The following LCORL variants were observed in gnomAD, a reference collection of about 807,000 sequenced individuals.
LCORL encodes the protein ligand-dependent nuclear receptor corepressor-like protein.
In LCORL, 41 loss-of-function variants were observed where a neutral mutation model predicts 141.8. The observed-to-expected ratio is 0.29, with a 90% CI of 0.23 to 0.38. The LOEUF is 0.38. Ranked by LOEUF, LCORL falls within the 10% of genes least tolerant of loss-of-function variation. The pLI is 1.00. For missense variants in LCORL, 1,759 were observed against 2,035.0 expected, an observed-to-expected ratio of 0.86 and a Z score of 2.61; for synonymous variants, 618 against 694.1, an observed-to-expected ratio of 0.89 and a Z score of 1.72.
In LCORL at chr4:18,005,254, T is replaced by C. The variant is rs564374939; in HGVS notation, c.154+16344A>G. 1.3e-5 allele frequency among the ~76,000 whole-genome samples: 2 copies of C among 152,272 alleles called. 1 individual carries two copies. The highest frequency in any genetic ancestry group is 3.9e-4 in the East Asian group (2 of 5,170). On this transcript the variant is annotated intron_variant, in intron 1 of 7. Coordinates refer to ENST00000635767, the Ensembl canonical transcript of LCORL. ...TTTTGAAGCTCAAAAATGATCTCCT[T>C]TGACTCCATGTCACACATCCAGGTC...
chr4:17,921,219 G>A (rs1433969625), intron 4 of LCORL, among the ~76,000 whole-genome samples: 3 of 151,834 alleles, frequency 2.0e-5, no homozygotes, highest in Non-Finnish European at 4.4e-5. Flanking sequence ...GTAGAGACAG[G>A]GTTTCACCAT....
At chr4:17,962,010 G>A in exon 4 of LCORL, 1 of 1,605,808 alleles carries the variant, frequency 6.2e-7, no homozygotes, top group Non-Finnish European at 8.5e-7. Flanking sequence ...TGACTGTGAA[G>A]AATCAAGAGA....
At chr4:17,861,192 C>T (rs1724969879) in intron 7 of LCORL, among the ~76,000 whole-genome samples, 1 of 152,236 alleles carries the variant, frequency 6.6e-6, no homozygotes, top group Admixed American at 6.5e-5. Flanking sequence ...AGAGGTTCTC[C>T]ATGAGGGCCC....
At chr4:17,978,760 A>T (rs766964740) in intron 1 of LCORL, among the ~76,000 whole-genome samples, 1 of 152,070 alleles carries the variant, frequency 6.6e-6, no homozygotes, top group Non-Finnish European at 1.5e-5. Flanking sequence ...CACCCTACAC[A>T]CACGAACTGG....
chr4:17,891,549 G>T (rs1408249682), intron 5 of LCORL, among the ~76,000 whole-genome samples: 1 of 152,088 alleles, frequency 6.6e-6, no homozygotes, highest in African/African-American at 2.4e-5. Flanking sequence ...CCCTTCACTT[G>T]TTTGAGAATT....
At chr4:17,938,007 T>TC (rs1293535267) in intron 4 of LCORL, among the ~76,000 whole-genome samples, 1 of 149,950 alleles carries the variant, frequency 6.7e-6, no homozygotes, top group East Asian at 1.9e-4. Context: ...CAATTTCTTT[T>TC]TTTTTTTTTT....
Position 18,021,746 on chromosome 4 carries a change from G to A in LCORL, c.6C>T (p.Asp2=), listed in dbSNP as rs903074140. 9 of 1,495,036 alleles carry A rather than the reference G, an allele frequency of 6.0e-6. No individual in the cohort carries two copies. The highest frequency in any genetic ancestry group is 8.0e-6 in the Non-Finnish European group (9 of 1,126,374). The allele number at this position is 1,495,036 out of a possible 1,614,324, so 92.6% of individuals were successfully genotyped here. A position where few individuals can be genotyped will look rare whatever the true frequency, so the allele number is the denominator to read the frequency against. ...CAGCGGCCATTCTCTCTCTTCCCTT[G>A]TCCATCTGCGTCCCGCGTCACGCGC... The change falls in exon 1 of 8, where the codon GAC becomes GAT. Residue 2 remains aspartate (D), a synonymous_variant. Transcript: ENST00000635767. This position sits in a 1 kb window ranked among gnomAD's most constrained non-coding sequence, Gnocchi z 5.5.
chr4:17,919,469 CATATT>C (rs1358563260), intron 4 of LCORL, among the ~76,000 whole-genome samples: 1 of 152,128 alleles, frequency 6.6e-6, no homozygotes, highest in Admixed American at 6.5e-5. Flanking sequence ...TAGTAATACA[CATATT>C]AGATATTGCA....
chr4:17,954,241 G>A (rs1712106298), intron 4 of LCORL, among the ~76,000 whole-genome samples: 1 of 152,120 alleles, frequency 6.6e-6, no homozygotes, highest in South Asian at 2.1e-4. Flanking sequence ...AGGGTGGTGA[G>A]GGCAGTGCAT....
chr4:17,850,584 T>G (rs1723538601), intron 7 of LCORL, among the ~76,000 whole-genome samples: 1 of 152,106 alleles, frequency 6.6e-6, no homozygotes, highest in African/African-American at 2.4e-5. Context: ...TAAGATACCA[T>G]CTCACACCAG....
chr4:17,853,274 A>G (rs979888610), intron 7 of LCORL, among the ~76,000 whole-genome samples: 7 of 152,100 alleles, frequency 4.6e-5, no homozygotes, highest in African/African-American at 1.7e-4. Context: ...AGAAGGCTTA[A>G]CATGTGAGAT....
exon 8 of LCORL, chr4:17,843,240 T>G (rs1009171455): frequency 7.1e-6 from 11 of 1,542,174 alleles, no homozygotes; most frequent in Non-Finnish European, 9.6e-6. Context: ...AAAAGTTTTA[T>G]TTATAAATAA....
chr4:17,986,978 A>G (rs1381424324), intron 1 of LCORL, among the ~76,000 whole-genome samples: 1 of 151,984 alleles, frequency 6.6e-6, no homozygotes, highest in Non-Finnish European at 1.5e-5. Flanking sequence ...TATGCTTTGT[A>G]TATTTTTTCT....
At chr4:18,019,643 G>A (rs926200897) in intron 1 of LCORL, among the ~76,000 whole-genome samples, 2 of 151,688 alleles carry the variant, frequency 1.3e-5, no homozygotes, top group African/African-American at 2.4e-5. Flanking sequence ...CTATTTTTAT[G>A]ATGCAAAGCT....
chr4:17,911,187 TATTA>T (rs1732458228), intron 4 of LCORL, among the ~76,000 whole-genome samples: 1 of 152,140 alleles, frequency 6.6e-6, no homozygotes, highest in Non-Finnish European at 1.5e-5. Context: ...GTACTTGGCA[TATTA>T]ATAGTCCAGT....
chr4:17,860,706 T>G (rs1012489522), intron 7 of LCORL, among the ~76,000 whole-genome samples: 1 of 152,220 alleles, frequency 6.6e-6, no homozygotes. Context: ...AAGTCACTTC[T>G]GCCTATGAGC....
intron 6 of LCORL, chr4:17,882,170 GATT>G (rs1298856656): frequency 8.1e-6 from 8 of 983,664 alleles, no homozygotes; most frequent in African/African-American, 1.8e-5. Context: ...ACGTATATAT[GATT>G]ATTAAATACA....
chr4:17,852,044 C>A (rs995182817), intron 7 of LCORL, among the ~76,000 whole-genome samples: 2 of 152,112 alleles, frequency 1.3e-5, no homozygotes, highest in African/African-American at 4.8e-5. Flanking sequence ...TGATCCCACT[C>A]TCCTCCCACC....
chr4:18,020,442 TCCCA>T (rs1329039006), intron 1 of LCORL: 1 of 151,234 alleles, frequency 6.6e-6, no homozygotes, highest in Non-Finnish European at 1.5e-5. Flanking sequence ...TCCCCTACAC[TCCCA>T]CCCATAACCC....
Sources: allele counts gnomAD v4.1 joint callset (sites outside exome capture counted in the v4.1 genomes callset), GRCh38; gene constraint gnomAD v4.1.1; non-coding constraint Gnocchi (gnomAD v3.1); transcripts MANE v1.5; gene names NCBI Gene and HGNC (gene_info 2026-07-23, HGNC 2026-07-21).